Variants in PKD1L1 observed in about 807,000 individuals in gnomAD.
PKD1L1 encodes the protein polycystin-1-like protein 1.
A neutral mutation model predicts 323.4 loss-of-function variants in PKD1L1; 236 were observed. That is an observed-to-expected ratio of 0.73 (90% confidence interval 0.66 to 0.81). PKD1L1 has a LOEUF of 0.81. Ranked by LOEUF, PKD1L1 falls within the 40% of genes least tolerant of loss-of-function variation. The pLI, the probability that PKD1L1 is intolerant of heterozygous loss-of-function variation, is 0.00. For missense variants in PKD1L1, 3,320 were observed against 3,508.0 expected, an observed-to-expected ratio of 0.95 and a Z score of 1.35; for synonymous variants, 1,344 against 1,335.0, an observed-to-expected ratio of 1.01 and a Z score of -0.15.
At chr7:47,782,106 G>A (rs1159796695) in intron 56 of PKD1L1, among the ~76,000 whole-genome samples, 2 of 152,080 alleles carry the variant, frequency 1.3e-5, no homozygotes, top group African/African-American at 4.8e-5. Context: ...ACCACCTTCT[G>A]TGCAAGGCAT....
Position 47,931,226 on chromosome 7 carries a change from G to A in PKD1L1, c.615C>T (p.Ala205=), listed in dbSNP as rs771549338. The A allele has an allele frequency of 1.2e-6, 2 of 1,614,224 alleles. No individual in the cohort carries two copies. The highest frequency in any genetic ancestry group is 1.1e-5 in the South Asian group (1 of 91,084). Residue 205 remains alanine, a synonymous_variant, in exon 6 of 57, where the codon GCC becomes GCT. Coordinates refer to ENST00000289672, the MANE Select transcript of PKD1L1 (RefSeq NM_138295.5). ...TGACAGTCCCAGGAAGCAGCCCCGT[G>A]GCCACATCCTCCGCACAGCACAGCA... ...LRLLCCAEDV[A]TGLLPGTVTM...
chr7:47,952,193 G>A (rs1483465173), upstream of PKD1L1, among the ~76,000 whole-genome samples: 4 of 152,118 alleles, frequency 2.6e-5, no homozygotes, highest in African/African-American at 9.7e-5. Context: ...AATTAGTTGT[G>A]GTGAAAAGAA....
rs1199028079 is a variant in PKD1L1, at chr7:47,905,292, G to GC, written c.1555dup (p.Ala519GlyfsTer21). The GC allele has an allele frequency of 1.1e-5, 17 of 1,614,006 alleles. No homozygotes were observed. Among genetic ancestry groups the GC allele is most frequent in the Non-Finnish European group, 1.4e-5 (17 of 1,180,000 alleles). On this transcript the variant is annotated frameshift_variant, in exon 11 of 57. Transcript: ENST00000289672. LOFTEE classifies it high-confidence loss of function. ...TGTAAATGTAATGTCTGTGTCTGTGGCAAACACAGTTCCATTTGTGTAGAC... is the reference window on the plus strand; with the variant it reads ...TGTAAATGTAATGTCTGTGTCTGTGGCCAAACACAGTTCCATTTGTGTAGAC...
At chr7:47,951,884 C>A (rs140220756), upstream of PKD1L1, among the ~76,000 whole-genome samples, 1 of 152,180 alleles carries the variant, frequency 6.6e-6, no homozygotes, top group African/African-American at 2.4e-5. Context: ...TCATCTTCTG[C>A]CTGCTTCAGT....
At chr7:47,848,740 G>C (rs1215984585) in intron 31 of PKD1L1, among the ~76,000 whole-genome samples, 1 of 152,194 alleles carries the variant, frequency 6.6e-6, no homozygotes, top group Non-Finnish European at 1.5e-5. Context: ...AGGAGGTGAA[G>C]GTTGTGGTGA....
chr7:47,860,374 C>G (rs542726257), intron 26 of PKD1L1, among the ~76,000 whole-genome samples: 1 of 152,228 alleles, frequency 6.6e-6, no homozygotes, highest in Non-Finnish European at 1.5e-5. Flanking sequence ...TTAAAAGACA[C>G]AGACTAATCT....
In PKD1L1 at chr7:47,946,667, CCA is replaced by C. The variant is rs774990531; in HGVS notation, c.44+1728_44+1729del. 5.3e-5 allele frequency among the ~76,000 whole-genome samples: 8 copies of C among 150,502 alleles called. No individual in the cohort carries two copies. Among genetic ancestry groups the C allele is most frequent in the South Asian group, 4.2e-4 (2 of 4,758 alleles). On this transcript the variant is annotated intron_variant, in intron 1 of 56. Coordinates refer to ENST00000289672, the MANE Select transcript of PKD1L1 (RefSeq NM_138295.5). This position sits in a 1 kb window ranked among gnomAD's most constrained non-coding sequence, Gnocchi z 4.1. The stretch of plus-strand genomic sequence containing the variant: ...ACACCACCCACACACATGTCCTATA[CCA>C]CACACACACACACAGACACTACAGG...
rs548773386 is a variant in PKD1L1 at position 47,938,193 on chromosome 7, C to T, written c.286-1235G>A. On this transcript the variant is annotated intron_variant, in intron 3 of 56. Coordinates refer to ENST00000289672, the MANE Select transcript of PKD1L1 (RefSeq NM_138295.5). ...CGGCCCAGCCCCTCCCTGGGATGTG[C>T]GCTCCCTGTGCTGTGGGCCTTTTAC... 1.3e-3 allele frequency among the ~76,000 whole-genome samples: 194 copies of T among 152,256 alleles called. 2 individuals are homozygous for T. The highest frequency in any genetic ancestry group is 1.1e-3 in the Admixed American group (17 of 15,304).
intron 36 of PKD1L1, among the ~76,000 whole-genome samples, chr7:47,838,289 C>G (rs906098901): frequency 6.6e-6 from 1 of 152,230 alleles, no homozygotes; most frequent in African/African-American, 2.4e-5. Context: ...CAGGTGGCAA[C>G]AGGGCGGGTT....
At chr7:47,877,396 TTG>T in intron 22 of PKD1L1, 91 bp downstream of exon 22, 1 of 1,503,650 alleles carries the variant, frequency 6.7e-7, no homozygotes, top group South Asian at 1.3e-5. Flanking sequence ...GGGAAGGACA[TTG>T]CTGTCCATTC....
intron 26 of PKD1L1, among the ~76,000 whole-genome samples, chr7:47,862,178 G>C (rs974485842): frequency 2.6e-5 from 4 of 152,040 alleles, no homozygotes; most frequent in African/African-American, 9.7e-5. Context: ...TTGGGCGACA[G>C]AGTGAGACTC....
At position 47,886,064 on chromosome 7, in the gene PKD1L1, A is replaced by T. The variant is rs766459380; in HGVS notation, c.2837-10T>A. The T allele has an allele frequency of 1.9e-6, 3 of 1,596,996 alleles. No individual in the cohort carries two copies. In the African/African-American group the frequency reaches 4.0e-5, roughly 21 times the overall value. ...ACTCTGCAGAAGGGAACTTAAGCAA[A>T]CGTTTGGCAGTGTTAGAATTTTGCA... On this transcript the variant is annotated splice_polypyrimidine_tract_variant and intron_variant, in intron 17 of 56. Coordinates refer to ENST00000289672, the MANE Select transcript of PKD1L1 (RefSeq NM_138295.5).
intron 19 of PKD1L1, 87 bp from the exon 20 acceptor site, chr7:47,882,172 A>T (rs1319442919): frequency 7.4e-7 from 1 of 1,358,624 alleles, no homozygotes; most frequent in Non-Finnish European, 1.0e-6. Context: ...TGATATTAAT[A>T]ACTATTTGTA....
At position 47,866,417 on chromosome 7, in the gene PKD1L1, A is replaced by C. The variant is rs778265167; in HGVS notation, c.4092+2T>G. On this transcript the variant is annotated splice_donor_variant, in intron 25 of 56. Coordinates refer to ENST00000289672, the MANE Select transcript of PKD1L1 (RefSeq NM_138295.5). LOFTEE classifies it high-confidence loss of function. Reference sequence around the variant, plus strand: ...CTAAACTCACCCTCCTCTGAGCCATACCTGATCTACAAAAGCCAATCTGCA... The same window carrying C: ...CTAAACTCACCCTCCTCTGAGCCATCCCTGATCTACAAAAGCCAATCTGCA... 20 of 1,612,726 alleles carry C rather than the reference A, an allele frequency of 1.2e-5. No homozygotes were observed. The highest frequency in any genetic ancestry group is 1.6e-5 in the Non-Finnish European group (19 of 1,179,540).
At chr7:47,783,180 A>G (rs547948029) in intron 56 of PKD1L1, among the ~76,000 whole-genome samples, 1 of 152,298 alleles carries the variant, frequency 6.6e-6, no homozygotes, top group East Asian at 1.9e-4. Context: ...TAAAAGTATT[A>G]TTTAAAATAG....
intron 26 of PKD1L1, among the ~76,000 whole-genome samples, chr7:47,862,797 G>T (rs1786062033): frequency 6.6e-6 from 1 of 152,136 alleles, no homozygotes; most frequent in Non-Finnish European, 1.5e-5. Flanking sequence ...GAAAAGCCAG[G>T]AAAGGAGGAC....
At chr7:47,813,770 A>G (rs554254264) in intron 48 of PKD1L1, among the ~76,000 whole-genome samples, 161 bp downstream of exon 48, 4 of 152,362 alleles carry the variant, frequency 2.6e-5, no homozygotes, top group Admixed American at 6.5e-5. Context: ...GAAGGAAGGA[A>G]GGGCGAGGCT....
intron 3 of PKD1L1, among the ~76,000 whole-genome samples, chr7:47,938,752 A>C (rs1787919831): frequency 6.6e-6 from 1 of 152,132 alleles, no homozygotes. Flanking sequence ...AAAGGCATCG[A>C]TCTATGCCCA....
chr7:47,958,214 T>C, the PKD1L1 span, among the ~76,000 whole-genome samples: 6 of 152,066 alleles, frequency 3.9e-5, no homozygotes, highest in Non-Finnish European at 5.9e-5. Flanking sequence ...ACTAAAGTTA[T>C]AAAAACAGCA....
Sources: gnomAD v4.1 joint callset for allele counts (sites outside exome capture counted in the v4.1 genomes callset) on GRCh38, gnomAD v4.1.1 for gene constraint, Gnocchi (gnomAD v3.1) non-coding constraint, MANE v1.5 for transcripts, NCBI Gene and HGNC (gene_info 2026-07-23, HGNC 2026-07-21) for gene names.